The following WRN variants were observed in gnomAD, a reference collection of about 807,000 sequenced individuals.
The protein encoded by WRN is bifunctional 3'-5' exonuclease/ATP-dependent helicase WRN.
A neutral mutation model predicts 180.7 loss-of-function variants in WRN; 149 were observed. The observed-to-expected ratio is 0.82, with a 90% CI of 0.72 to 0.94. The LOEUF (loss-of-function observed/expected upper bound fraction) is 0.94. Among genes scored for constraint, WRN ranks in the 40% least tolerant of loss-of-function variants. The pLI is 0.00. For missense variants in WRN, 1,661 were observed against 1,700.1 expected (o/e 0.98, Z 0.40); for synonymous variants, 548 against 568.9 (o/e 0.96, Z 0.52).
intron 32 of WRN, 127 bp from the exon 33 acceptor site, chr8:31,157,241 G>A (rs983061996): frequency 4.4e-6 from 6 of 1,353,000 alleles, no homozygotes; most frequent in African/African-American, 4.3e-5. Flanking sequence ...AAAAACTTAA[G>A]TAAAGGTTTA....
chr8:31,159,232 T>C (rs1482327113), intron 33 of WRN, among the ~76,000 whole-genome samples: 1 of 151,706 alleles, frequency 6.6e-6, no homozygotes, highest in African/African-American at 2.4e-5. Context: ...CTCAGGAGTT[T>C]GGGGTTATAA....
chr8:31,110,424 G>A (rs905836463), intron 18 of WRN, among the ~76,000 whole-genome samples: 2 of 151,976 alleles, frequency 1.3e-5, no homozygotes, highest in African/African-American at 4.8e-5. Flanking sequence ...CATCACATTA[G>A]TTTTGATTTA....
intron 33 of WRN, among the ~76,000 whole-genome samples, chr8:31,158,294 G>C (rs904825427): frequency 2.6e-5 from 4 of 152,138 alleles, no homozygotes; most frequent in Admixed American, 2.6e-4. Flanking sequence ...GACAGACCAA[G>C]TTCTGTGGGC....
chr8:31,072,897 A>G (rs1812964330), intron 7 of WRN, among the ~76,000 whole-genome samples: 1 of 152,144 alleles, frequency 6.6e-6, no homozygotes, highest in Admixed American at 6.5e-5. Flanking sequence ...AGAGGGAAGA[A>G]AGTGCAAAGC....
intron 1 of WRN, among the ~76,000 whole-genome samples, chr8:31,046,024 T>C (rs1416163259): frequency 6.6e-6 from 1 of 152,202 alleles, no homozygotes; most frequent in Non-Finnish European, 1.5e-5. Flanking sequence ...GTATATTTTA[T>C]GTTAGGTTTA....
At chr8:31,136,593 T>C (rs1221891786) in intron 24 of WRN, among the ~76,000 whole-genome samples, 3 of 152,164 alleles carry the variant, frequency 2.0e-5, no homozygotes, top group African/African-American at 7.2e-5. Flanking sequence ...TCAGCACTTT[T>C]GGGAAGCCGA....
intron 1 of WRN, among the ~76,000 whole-genome samples, chr8:31,049,287 T>G (rs918676958): frequency 6.9e-6 from 1 of 145,232 alleles, no homozygotes; most frequent in Admixed American, 6.9e-5. Flanking sequence ...TCTCAGCACA[T>G]TGGGAGGCTG....
In WRN at chr8:31,111,602, T is replaced by C. The variant is rs2130282501; in HGVS notation, c.2089-13T>C. The C allele has an allele frequency of 1.2e-6, 2 of 1,613,770 alleles. No homozygotes were observed. The highest frequency in any genetic ancestry group is 1.7e-6 in the Non-Finnish European group (2 of 1,179,768). On this transcript the variant is annotated splice_polypyrimidine_tract_variant and intron_variant, in intron 18 of 34. Coordinates refer to ENST00000298139, the MANE Select transcript of WRN (RefSeq NM_000553.6). Reference sequence around the variant, plus strand: ...CTCTTTCCTTTTTAAAATATCAGTTTTACATCATTCAGGTTCCAATCGTTG... The same window carrying C: ...CTCTTTCCTTTTTAAAATATCAGTTCTACATCATTCAGGTTCCAATCGTTG...
chr8:31,101,556 G>A (rs1209780282), intron 18 of WRN, among the ~76,000 whole-genome samples: 3 of 152,230 alleles, frequency 2.0e-5, no homozygotes, highest in African/African-American at 7.2e-5. Context: ...GGAGGCCGAG[G>A]TGGGTGGATC....
intron 1 of WRN, among the ~76,000 whole-genome samples, chr8:31,039,787 C>T (rs760296330): frequency 6.6e-6 from 1 of 152,116 alleles, no homozygotes; most frequent in Admixed American, 6.5e-5. Flanking sequence ...AATGCCTTTT[C>T]TGTGTCAATT....
At chr8:31,103,085 A>G (rs1214864894) in intron 18 of WRN, among the ~76,000 whole-genome samples, 2 of 152,226 alleles carry the variant, frequency 1.3e-5, no homozygotes. Context: ...GGTCAGGATC[A>G]TCAATGTTGC....
chr8:31,080,556 A>G (rs11574220), intron 8 of WRN, among the ~76,000 whole-genome samples: 6,701 of 151,610 alleles, frequency 0.044, 182 homozygotes, highest in South Asian at 0.079. Context: ...TGTATCATCA[A>G]CTTTCTTTAC....
chr8:31,036,021 C>G (rs1317427055), intron 1 of WRN, among the ~76,000 whole-genome samples: 1 of 152,164 alleles, frequency 6.6e-6, no homozygotes, highest in Admixed American at 6.5e-5. Context: ...ATTCCCACCA[C>G]CCATCCATCC....
intron 21 of WRN, among the ~76,000 whole-genome samples, chr8:31,123,198 T>C (rs957041644): frequency 2.0e-5 from 3 of 152,076 alleles, no homozygotes; most frequent in African/African-American, 7.2e-5. Context: ...TTACTCCCTG[T>C]CTGTTAGTCA....
intron 24 of WRN, among the ~76,000 whole-genome samples, chr8:31,134,567 A>G (rs1802325710): frequency 6.6e-6 from 1 of 152,240 alleles, no homozygotes; most frequent in East Asian, 1.9e-4. Flanking sequence ...AACATTCTGT[A>G]TAAATATGTG....
chr8:31,125,337 G>T (rs1014838420), intron 23 of WRN, among the ~76,000 whole-genome samples: 7 of 150,520 alleles, frequency 4.7e-5, no homozygotes, highest in African/African-American at 1.7e-4. Flanking sequence ...ATATAGATAG[G>T]TTTAAAAAAG....
At chr8:31,120,027 T>G (rs1180883312) in intron 20 of WRN, 1 of 552,602 alleles carries the variant, frequency 1.8e-6, no homozygotes, top group African/African-American at 1.9e-5. Context: ...TTTACTATTT[T>G]TTATAGAGAG....
At chr8:31,064,630 T>A (rs909870349) in intron 4 of WRN, among the ~76,000 whole-genome samples, 196 bp downstream of exon 4, 3 of 152,194 alleles carry the variant, frequency 2.0e-5, no homozygotes, top group Non-Finnish European at 4.4e-5. Flanking sequence ...GGCATTGACA[T>A]TTTTTCTGTT....
intron 33 of WRN, among the ~76,000 whole-genome samples, chr8:31,163,644 C>T (rs1803724944): frequency 6.6e-6 from 1 of 152,060 alleles, no homozygotes; most frequent in Non-Finnish European, 1.5e-5. Context: ...TATTGAGTGT[C>T]TTTAAATACC....
Sources: allele counts gnomAD v4.1 joint callset (sites outside exome capture counted in the v4.1 genomes callset), GRCh38; gene constraint gnomAD v4.1.1; transcripts MANE v1.5; gene names NCBI Gene and HGNC (gene_info 2026-07-23, HGNC 2026-07-21).